Variants in MYH11 observed in about 807,000 individuals in gnomAD.
MYH11 encodes myosin heavy chain 11, also known as myosin-11.
Under a neutral mutation model 246.6 loss-of-function variants are expected in MYH11, and 80 were observed. That is an observed-to-expected ratio of 0.32 (90% CI 0.27 to 0.39). The LOEUF is 0.39. Among genes scored for constraint, MYH11 ranks in the 10% least tolerant of loss-of-function variants. The pLI, the probability that MYH11 is intolerant of heterozygous loss-of-function variation, is 1.00. For missense variants in MYH11, 2,158 were observed against 2,546.8 expected (o/e 0.85, Z 3.29); for synonymous variants, 1,071 against 1,015.5 (o/e 1.05, Z -1.04).
intron 13 of MYH11, 108 bp downstream of exon 13, chr16:15,757,719 G>T (rs2041765405): frequency 9.4e-6 from 13 of 1,381,592 alleles, no homozygotes; most frequent in South Asian, 1.2e-5. Context: ...TGGATTGGGT[G>T]GGGGAATGCT....
Position 15,719,032 on chromosome 16 carries a change from G to A in MYH11, c.5171+188C>T. The stretch of plus-strand genomic sequence containing the variant: ...AGTCTCAGCTACTCAGAAGGCTGAG[G>A]CAGGAGAATTGCTTGAACCTGGGAG... On this transcript the variant is annotated intron_variant, in intron 36 of 40. Transcript: ENST00000300036. 6.1e-6 allele frequency: 4 copies of A among 651,076 alleles called. No individual in the cohort carries two copies. The Admixed American group carries it at 8.6e-5, about 14-fold the overall frequency. The allele number at this position is 651,076 out of a possible 1,614,324, so 40.3% of individuals were successfully genotyped here.
At chr16:15,831,159 G>T (rs951049989) in intron 2 of MYH11, among the ~76,000 whole-genome samples, 1 of 152,074 alleles carries the variant, frequency 6.6e-6, no homozygotes, top group Admixed American at 6.6e-5. Context: ...GTGAGAGAGT[G>T]AGACTCCATC....
At chr16:15,777,455 C>A (rs2042250887) in intron 7 of MYH11, among the ~76,000 whole-genome samples, 2 of 152,142 alleles carry the variant, frequency 1.3e-5, no homozygotes, top group African/African-American at 4.8e-5. Flanking sequence ...CCAAGTGATG[C>A]TGATGCTGCT....
intron 4 of MYH11, among the ~76,000 whole-genome samples, chr16:15,790,346 A>G (rs1410472817): frequency 6.6e-6 from 1 of 151,862 alleles, no homozygotes; most frequent in Non-Finnish European, 1.5e-5. Flanking sequence ...AGACAAAAAA[A>G]AAAACAAAGA....
intron 38 of MYH11, among the ~76,000 whole-genome samples, chr16:15,715,701 C>A (rs775610304): frequency 2.0e-5 from 3 of 152,154 alleles, no homozygotes; most frequent in Non-Finnish European, 4.4e-5. Flanking sequence ...AATGCCTGCT[C>A]TTCACCCTAG....
At chr16:15,849,036 G>A (rs2044267935) in intron 1 of MYH11, among the ~76,000 whole-genome samples, 2 of 152,202 alleles carry the variant, frequency 1.3e-5, no homozygotes, top group Admixed American at 6.5e-5. Flanking sequence ...TGCTGACCAC[G>A]AAGTACAGTT....
At chr16:15,728,014 A>T (rs566768685) in intron 27 of MYH11, among the ~76,000 whole-genome samples, 3 of 152,202 alleles carry the variant, frequency 2.0e-5, no homozygotes, top group Non-Finnish European at 2.9e-5. Context: ...GGATCACTTG[A>T]GGTGAGGAGT....
In MYH11 at chr16:15,703,304, G is replaced by A. The variant is rs138722071; in HGVS notation, c.*687C>T. Reference sequence around the variant, plus strand: ...GTCTGAGGTGTGGAAACCAGGAGAGGGGGAAAGAATTCTCAAAGGCCTGAC... The same window carrying A: ...GTCTGAGGTGTGGAAACCAGGAGAGAGGGAAAGAATTCTCAAAGGCCTGAC... On this transcript the variant is annotated 3_prime_UTR_variant, in exon 41 of 41. Coordinates refer to ENST00000300036, the MANE Select transcript of MYH11 (RefSeq NM_002474.3). 9.2e-4 allele frequency: 211 copies of A among 228,756 alleles called. 1 individual carries two copies. Among genetic ancestry groups the A allele is most frequent in the African/African-American group, 4.4e-3 (196 of 44,874 alleles). The allele number at this position is 228,756 out of a possible 1,614,324, so 14.2% of individuals were successfully genotyped here.
rs147679982 is a variant in MYH11, at chr16:15,723,067, C to T, written c.4365+1094G>A. On this transcript the variant is annotated intron_variant, in intron 31 of 40. Coordinates refer to ENST00000300036, the MANE Select transcript of MYH11 (RefSeq NM_002474.3). The stretch of plus-strand genomic sequence containing the variant: ...CCTCTCAAACTGATTTTTAGAATAA[C>T]CCTGAGTCACTTGTAAACTAAATCA... 1.3e-3 allele frequency among the ~76,000 whole-genome samples: 194 copies of T among 152,162 alleles called. 1 individual carries two copies. Among genetic ancestry groups the T allele is most frequent in the African/African-American group, 4.5e-3 (187 of 41,526 alleles).
chr16:15,852,936 C>G (rs2044367679), intron 1 of MYH11, among the ~76,000 whole-genome samples: 1 of 152,146 alleles, frequency 6.6e-6, no homozygotes, highest in Non-Finnish European at 1.5e-5. Flanking sequence ...TTTGACACAT[C>G]TGAATATGTC....
chr16:15,755,660 C>T (rs1293558274), intron 14 of MYH11, among the ~76,000 whole-genome samples: 1 of 152,122 alleles, frequency 6.6e-6, no homozygotes, highest in Non-Finnish European at 1.5e-5. Flanking sequence ...CGGCCAGGCA[C>T]GGTGGCTCAT....
rs4006745 is a variant in MYH11, at chr16:15,852,334, C to CTTTTT, written c.-18+4602_-18+4606dup. Among the ~76,000 whole-genome samples the CTTTTT allele has an allele frequency of 3.1e-5, 4 of 129,164 alleles. 1 individual carries two copies. Among genetic ancestry groups the CTTTTT allele is most frequent in the Admixed American group, 1.7e-4 (2 of 11,810 alleles). The allele number at this position is 129,164 out of a possible 152,430, so 84.7% of individuals were successfully genotyped here. A position where few individuals can be genotyped will look rare whatever the true frequency, so the allele number is the denominator to read the frequency against. On this transcript the variant is annotated intron_variant, in intron 1 of 40. Coordinates refer to ENST00000300036, the MANE Select transcript of MYH11 (RefSeq NM_002474.3). ...TGCAACAAGTTGCAATTTGCAATGC[C>CTTTTT]TTTTTTTTTTTTTTTTTGAGACCGA...
At chr16:15,763,050 C>T (rs1382128256) in intron 10 of MYH11, among the ~76,000 whole-genome samples, 1 of 152,196 alleles carries the variant, frequency 6.6e-6, no homozygotes, top group Non-Finnish European at 1.5e-5. Context: ...GGGAAAATTA[C>T]AGGATGCTCA....
At chr16:15,756,301 G>T in intron 14 of MYH11, 40 bp downstream of exon 14, 1 of 1,608,332 alleles carries the variant, frequency 6.2e-7, no homozygotes, top group Non-Finnish European at 8.5e-7. Context: ...GCCACTGGGG[G>T]TCCCCTGAGA....
chr16:15,756,208 G>T, intron 14 of MYH11, 133 bp downstream of exon 14: 1 of 962,554 alleles, frequency 1.0e-6, no homozygotes, highest in Non-Finnish European at 1.6e-6. Context: ...GGACTTGGTT[G>T]GGATTCGCTT....
chr16:15,787,917 C>T (rs1235023925), intron 4 of MYH11, among the ~76,000 whole-genome samples: 5 of 151,880 alleles, frequency 3.3e-5, no homozygotes, highest in African/African-American at 1.2e-4. Flanking sequence ...GAATCCCACC[C>T]CATGTATCAG....
chr16:15,765,827 T>C (rs1279727145), intron 9 of MYH11, among the ~76,000 whole-genome samples: 2 of 152,160 alleles, frequency 1.3e-5, no homozygotes, highest in Admixed American at 1.3e-4. Flanking sequence ...AACCATAACA[T>C]CTATGAAAGA....
chr16:15,765,466 C>A (rs2041962394), intron 9 of MYH11, among the ~76,000 whole-genome samples: 1 of 151,326 alleles, frequency 6.6e-6, no homozygotes, highest in South Asian at 2.1e-4. Context: ...GATGGATGGA[C>A]AGATGATGGA....
intron 13 of MYH11, 28 bp downstream of exon 13, chr16:15,757,799 G>C (rs1052253451): frequency 6.2e-7 from 1 of 1,614,106 alleles, no homozygotes; most frequent in East Asian, 2.2e-5. Flanking sequence ...AGGTGTGACG[G>C]AGCCCCGCAC....
Sources: gnomAD v4.1 joint callset for allele counts (sites outside exome capture counted in the v4.1 genomes callset) on GRCh38, gnomAD v4.1.1 for gene constraint, MANE v1.5 for transcripts, NCBI Gene and HGNC (gene_info 2026-07-23, HGNC 2026-07-21) for gene names.